CSMD1: variants seen among roughly 807,000 people sequenced by gnomAD.
CSMD1 encodes CUB and sushi domain-containing protein 1.
In CSMD1, 213 loss-of-function variants were observed where a neutral mutation model predicts 417.5. The ratio of observed to expected loss-of-function variants is 0.51; its 90% CI spans 0.46 to 0.57. The LOEUF (loss-of-function observed/expected upper bound fraction) is 0.57. CSMD1 is among the 20% of genes least tolerant of loss of function. The pLI, the probability that CSMD1 is intolerant of heterozygous loss-of-function variation, is 0.00. For missense variants in CSMD1, 6,923 were observed against 4,529.7 expected, an observed-to-expected ratio of 1.53 and a Z score of -15.17; for synonymous variants, 2,862 against 1,736.8, an observed-to-expected ratio of 1.65 and a Z score of -16.11.
intron 3 of CSMD1, among the ~76,000 whole-genome samples, chr8:4,281,190 T>C (rs1796762121): frequency 6.6e-6 from 1 of 152,088 alleles, no homozygotes; most frequent in South Asian, 2.1e-4. Flanking sequence ...GTAAATAAAA[T>C]GGACCTGGAA....
At chr8:3,276,134 T>C (rs1006993860) in intron 26 of CSMD1, among the ~76,000 whole-genome samples, 8 of 152,180 alleles carry the variant, frequency 5.3e-5, no homozygotes, top group East Asian at 1.9e-4. Flanking sequence ...TGTTTGTTAG[T>C]TTTCCTTCTA....
chr8:4,306,836 A>AC (rs1798274894), intron 3 of CSMD1, among the ~76,000 whole-genome samples: 1 of 9,530 alleles, frequency 1.0e-4, no homozygotes, highest in Admixed American at 1.8e-3. Context: ...CTCCAGATTT[A>AC]AAAAAAATCT....
intron 3 of CSMD1, among the ~76,000 whole-genome samples, chr8:4,055,214 T>A (rs147565086): frequency 0.017 from 2,656 of 152,308 alleles, 29 homozygotes; most frequent in Non-Finnish European, 0.023. Context: ...ATTCAATTTT[T>A]AAAAACCATT....
At chr8:4,267,926 T>C (rs1804322286) in intron 3 of CSMD1, among the ~76,000 whole-genome samples, 5 of 152,124 alleles carry the variant, frequency 3.3e-5, no homozygotes, top group Non-Finnish European at 7.4e-5. Context: ...ACTCACTTAT[T>C]CATGCCTCAT....
chr8:3,923,433 A>T (rs549496796), intron 5 of CSMD1, among the ~76,000 whole-genome samples: 1 of 152,052 alleles, frequency 6.6e-6, no homozygotes, highest in African/African-American at 2.4e-5. Flanking sequence ...TAATTTGCTT[A>T]TTGGATCATT....
intron 7 of CSMD1, among the ~76,000 whole-genome samples, chr8:3,627,638 G>C (rs1195047740): frequency 1.3e-5 from 2 of 152,100 alleles, no homozygotes; most frequent in Non-Finnish European, 2.9e-5. Flanking sequence ...GGAACTATGA[G>C]ATAATAATAA....
chr8:4,661,085 A>G (rs1373699259), intron 1 of CSMD1, among the ~76,000 whole-genome samples: 1 of 152,170 alleles, frequency 6.6e-6, no homozygotes, highest in Non-Finnish European at 1.5e-5. Context: ...ACAACCTGCA[A>G]CTATCATACA....
intron 41 of CSMD1, among the ~76,000 whole-genome samples, chr8:3,123,936 T>C (rs1817353466): frequency 6.6e-6 from 1 of 152,216 alleles, no homozygotes. Flanking sequence ...AAGTTCTTTT[T>C]TGGGATAGGT....
intron 3 of CSMD1, among the ~76,000 whole-genome samples, chr8:4,240,399 A>C (rs1802324051): frequency 6.6e-6 from 1 of 152,180 alleles, no homozygotes. Flanking sequence ...ACAGTTGAGC[A>C]CCTTTGCCTG....
At chr8:3,565,924 C>T (rs1024373471) in intron 10 of CSMD1, among the ~76,000 whole-genome samples, 1 of 152,144 alleles carries the variant, frequency 6.6e-6, no homozygotes, top group African/African-American at 2.4e-5. Context: ...AGTTTTGTGC[C>T]ATCCGTGATG....
chr8:3,990,459 G>C (rs1430085195), intron 5 of CSMD1, among the ~76,000 whole-genome samples: 1 of 152,130 alleles, frequency 6.6e-6, no homozygotes, highest in African/African-American at 2.4e-5. Context: ...TTAGAGACCA[G>C]GGATGTTTTC....
At chr8:3,162,092 G>C (rs1819931705) in intron 38 of CSMD1, 67 bp downstream of exon 38, 8 of 1,002,770 alleles carry the variant, frequency 8.0e-6, no homozygotes, top group African/African-American at 6.4e-5. Flanking sequence ...TGAGGGCTTT[G>C]GCTTTAAGAG....
At chr8:4,798,179 C>T (rs1183732880) in intron 1 of CSMD1, among the ~76,000 whole-genome samples, 1 of 152,100 alleles carries the variant, frequency 6.6e-6, no homozygotes, top group Non-Finnish European at 1.5e-5. Context: ...CACCCAATGA[C>T]AGGCCCCGGT....
rs188899827 is a variant in CSMD1 at position 3,344,269 on chromosome 8, A to G, written c.3475-819T>C. The stretch of plus-strand genomic sequence containing the variant: ...GGGTAAAAGTGTTTAGGACCCATGC[A>G]CTTTCTGCCAATGCCATGAGGCTCA... On this transcript the variant is annotated intron_variant, in intron 22 of 69. Coordinates refer to ENST00000635120, the MANE Select transcript of CSMD1 (RefSeq NM_033225.6). 4.5e-3 allele frequency among the ~76,000 whole-genome samples: 682 copies of G among 152,254 alleles called. 1 individual carries two copies. Among genetic ancestry groups the G allele is most frequent in the Admixed American group, 7.3e-3 (112 of 15,288 alleles).
chr8:4,225,653 A>G (rs1204544052), intron 3 of CSMD1, among the ~76,000 whole-genome samples: 1 of 152,148 alleles, frequency 6.6e-6, no homozygotes, highest in Non-Finnish European at 1.5e-5. Flanking sequence ...CAGAGAAATT[A>G]AAAGCAGGAA....
chr8:3,661,398 T>A (rs1054947698), intron 7 of CSMD1, among the ~76,000 whole-genome samples: 2 of 152,324 alleles, frequency 1.3e-5, no homozygotes, highest in African/African-American at 4.8e-5. Flanking sequence ...TTTTTGTGTA[T>A]AAATCTTCTT....
chr8:3,910,417 C>T (rs543866044), intron 5 of CSMD1, among the ~76,000 whole-genome samples: 36 of 152,280 alleles, frequency 2.4e-4, no homozygotes, highest in Admixed American at 1.6e-3. Flanking sequence ...GCCGTCAAGA[C>T]GCTTAATCCC....
rs936899764 is a variant in CSMD1 at position 3,249,981 on chromosome 8, A to G, written c.4154-19750T>C. Among the ~76,000 whole-genome samples the G allele has an allele frequency of 2.6e-5, 4 of 152,264 alleles. No individual in the cohort carries two copies. The East Asian group carries it at 7.7e-4, about 29-fold the overall frequency. On this transcript the variant is annotated intron_variant, in intron 26 of 69. Transcript: ENST00000635120. The stretch of plus-strand genomic sequence containing the variant: ...CATGTCAGGTTAAAAACTAGTGAAC[A>G]GTATTTCAAAAATGTAGGTTATTAT...
At chr8:3,859,941 C>A (rs1804580261) in intron 5 of CSMD1, among the ~76,000 whole-genome samples, 1 of 152,122 alleles carries the variant, frequency 6.6e-6, no homozygotes, top group Admixed American at 6.5e-5. Context: ...AATAGCTTTT[C>A]ATGAATTCCA....
Sources: allele counts gnomAD v4.1 joint callset (sites outside exome capture counted in the v4.1 genomes callset), GRCh38; gene constraint gnomAD v4.1.1; transcripts MANE v1.5; gene names NCBI Gene and HGNC (gene_info 2026-07-23, HGNC 2026-07-21).